IKZF1: variants seen among roughly 807,000 people sequenced by gnomAD.
IKZF1 encodes the protein DNA-binding protein Ikaros.
In IKZF1, 10 loss-of-function variants were observed where a neutral mutation model predicts 51.7. The observed-to-expected ratio is 0.19, with a 90% CI of 0.12 to 0.33. The LOEUF is 0.33. Ranked by LOEUF, IKZF1 falls within the 10% of genes least tolerant of loss-of-function variation. The pLI is 1.00. For missense variants in IKZF1, 484 were observed against 707.5 expected, an observed-to-expected ratio of 0.68 and a Z score of 3.58; for synonymous variants, 280 against 282.3, an observed-to-expected ratio of 0.99 and a Z score of 0.08.
chr7:50,376,502 A>T lies in IKZF1; in HGVS notation c.161-31A>T, dbSNP rs1810335466. ...TGTTGAGTTTTTTTTTTGCAATGAC[A>T]CTGAGTGGCCTCCTGTATTGTTTCT... On this transcript the variant is annotated intron_variant, in intron 3 of 7. Coordinates refer to ENST00000331340, the MANE Select transcript of IKZF1 (RefSeq NM_006060.6). This position sits in a 1 kb window ranked among gnomAD's most constrained non-coding sequence, Gnocchi z 4.5. 5 of 1,603,998 alleles carry T rather than the reference A, an allele frequency of 3.1e-6. No individual in the cohort carries two copies. Among genetic ancestry groups the T allele is most frequent in the Non-Finnish European group, 4.3e-6 (5 of 1,174,390 alleles).
At chr7:50,345,461 G>A (rs1166571611) in intron 3 of IKZF1, among the ~76,000 whole-genome samples, 1 of 152,186 alleles carries the variant, frequency 6.6e-6, no homozygotes, top group Non-Finnish European at 1.5e-5. Context: ...CACACTCTAG[G>A]TTTGGAGCTC....
At chr7:50,330,948 C>T (rs1796328805) in intron 3 of IKZF1, among the ~76,000 whole-genome samples, 2 of 152,126 alleles carry the variant, frequency 1.3e-5, no homozygotes, top group Non-Finnish European at 2.9e-5. Context: ...GCCCTCTCCT[C>T]CCTGGCCTGG....
At chr7:50,318,730 G>A (rs1467675821) in intron 1 of IKZF1, among the ~76,000 whole-genome samples, 1 of 152,134 alleles carries the variant, frequency 6.6e-6, no homozygotes, top group African/African-American at 2.4e-5. Flanking sequence ...ATGACCCAGG[G>A]CCATTTAATT....
At chr7:50,311,210 T>C (rs1212437204) in intron 1 of IKZF1, among the ~76,000 whole-genome samples, 2 of 152,188 alleles carry the variant, frequency 1.3e-5, no homozygotes, top group African/African-American at 4.8e-5. Flanking sequence ...TCATCCTCTC[T>C]GGAGGAAAGA....
At chr7:50,389,468 C>A (rs751707609) in intron 6 of IKZF1, among the ~76,000 whole-genome samples, 1 of 152,178 alleles carries the variant, frequency 6.6e-6, no homozygotes, top group African/African-American at 2.4e-5. Flanking sequence ...TGGACTACCA[C>A]AGTGATGCCT....
intron 3 of IKZF1, among the ~76,000 whole-genome samples, chr7:50,351,506 G>A (rs908272500): frequency 2.6e-5 from 4 of 152,164 alleles, no homozygotes; most frequent in Non-Finnish European, 1.5e-5. Flanking sequence ...CCTGAGATTT[G>A]TGCGCTTTGA....
Position 50,306,557 on chromosome 7 carries a change from C to G in IKZF1, c.-15+1635C>G, listed in dbSNP as rs537792510. Among the ~76,000 whole-genome samples the G allele has an allele frequency of 1.0e-3, 153 of 152,332 alleles. 1 individual carries two copies. The highest frequency in any genetic ancestry group is 6.8e-3 in the Middle Eastern group (2 of 294). On this transcript the variant is annotated intron_variant, in intron 1 of 7. Transcript: ENST00000331340. ...ACCCACCCTCAGGGTCTCCAGGAGA[C>G]CACAAGGGCTGCAGATAAAAGTCTG...
chr7:50,354,567 G>T (rs770338373), intron 3 of IKZF1, among the ~76,000 whole-genome samples: 1 of 152,220 alleles, frequency 6.6e-6, no homozygotes. Flanking sequence ...TCTTTGTACT[G>T]TACGTTTTTG....
intron 3 of IKZF1, among the ~76,000 whole-genome samples, chr7:50,334,762 A>C (rs933167768): frequency 4.1e-5 from 6 of 147,926 alleles, no homozygotes; most frequent in Admixed American, 2.7e-4. Flanking sequence ...TGCGGTGTGT[A>C]TGTATGGTGT....
chr7:50,364,313 G>C (rs1300410754), intron 3 of IKZF1, among the ~76,000 whole-genome samples: 1 of 152,234 alleles, frequency 6.6e-6, no homozygotes, highest in South Asian at 2.1e-4. Context: ...ATTCAAATAG[G>C]ATTCAGAATC....
chr7:50,364,114 G>A lies in IKZF1; in HGVS notation c.161-12419G>A, dbSNP rs150124479. Among the ~76,000 whole-genome samples the A allele has an allele frequency of 1.2e-3, 188 of 152,294 alleles. 1 individual carries two copies. The Middle Eastern group carries it at 0.014, about 11-fold the overall frequency. ...TTTAGACAGATTTTCCCAGAAAATT[G>A]TCAGTGTTCTCGAATTTGAAAGTAG... is the stretch of plus-strand genomic sequence containing the variant. On this transcript the variant is annotated intron_variant, in intron 3 of 7. Coordinates refer to ENST00000331340, the MANE Select transcript of IKZF1 (RefSeq NM_006060.6).
intron 3 of IKZF1, among the ~76,000 whole-genome samples, chr7:50,357,355 C>A (rs1562816271): frequency 6.7e-6 from 1 of 150,328 alleles, no homozygotes; most frequent in Non-Finnish European, 1.5e-5. Flanking sequence ...ACCACCCCCC[C>A]ACCGCCAAGT....
chr7:50,391,572 C>T (rs1815068941), intron 6 of IKZF1, among the ~76,000 whole-genome samples, 157 bp from the exon 7 acceptor site: 1 of 152,194 alleles, frequency 6.6e-6, no homozygotes, highest in Non-Finnish European at 1.5e-5. Flanking sequence ...CCGGCTGCCT[C>T]TGCCTGTCTG....
rs1791668384 is a variant in IKZF1, at chr7:50,316,779, C to T, written c.-14-2269C>T. ...TGTCTCCATGCAGCAAACTCAGAGG[C>T]TCAGCCCGCATTCCACTGGAAGGGC... On this transcript the variant is annotated intron_variant, in intron 1 of 7. Coordinates refer to ENST00000331340, the MANE Select transcript of IKZF1 (RefSeq NM_006060.6). Among the ~76,000 whole-genome samples, 3 of 152,274 alleles carry T rather than the reference C, an allele frequency of 2.0e-5. No homozygotes were observed. In the South Asian group the frequency reaches 6.2e-4, roughly 32 times the overall value.
chr7:50,355,310 G>T (rs1802995340), intron 3 of IKZF1, among the ~76,000 whole-genome samples: 1 of 152,226 alleles, frequency 6.6e-6, no homozygotes, highest in South Asian at 2.1e-4. Flanking sequence ...ATCCTGCCTA[G>T]CCAGCTGGAT....
At chr7:50,314,609 CT>C (rs1383867936) in intron 1 of IKZF1, among the ~76,000 whole-genome samples, 1 of 152,216 alleles carries the variant, frequency 6.6e-6, no homozygotes, top group Admixed American at 6.5e-5. Context: ...TTCATTTTTA[CT>C]TCATTTGTCT....
At position 50,376,544 on chromosome 7, in the gene IKZF1, A is replaced by G. The variant is rs1376745821; in HGVS notation, c.172A>G (p.Lys58Glu). 1 of 1,613,572 alleles carries G rather than the reference A, an allele frequency of 6.2e-7. No homozygotes were observed. Among genetic ancestry groups the G allele is most frequent in the Non-Finnish European group, 8.5e-7 (1 of 1,179,824 alleles). ...ATTGTTTCTTTCAGCCAGTAATGTT[A>G]AAGTAGAGACTCAGAGTGATGAAGA... ...KSDRVVASNVKVETQSDEENG... is the reference protein window; with the variant it reads ...KSDRVVASNVEVETQSDEENG... The change falls in exon 4 of 8, where the codon AAA becomes GAA. Residue 58 changes from lysine to glutamate, a missense_variant. Transcript: ENST00000331340. This position sits in a 1 kb window ranked among gnomAD's most constrained non-coding sequence, Gnocchi z 4.5.
intron 3 of IKZF1, among the ~76,000 whole-genome samples, chr7:50,340,726 A>C (rs1798878772): frequency 6.6e-6 from 1 of 152,084 alleles, no homozygotes. Flanking sequence ...AAGCATTTCT[A>C]CTCTGTCCAT....
chr7:50,312,642 A>G (rs1383301289), intron 1 of IKZF1, among the ~76,000 whole-genome samples: 3 of 152,272 alleles, frequency 2.0e-5, no homozygotes, highest in Admixed American at 2.0e-4. Flanking sequence ...CTTTACCAAG[A>G]AAACATTCAA....
Sources: allele counts gnomAD v4.1 joint callset (sites outside exome capture counted in the v4.1 genomes callset), GRCh38; gene constraint gnomAD v4.1.1; non-coding constraint Gnocchi (gnomAD v3.1); transcripts MANE v1.5; gene names NCBI Gene and HGNC (gene_info 2026-07-23, HGNC 2026-07-21).